Variants in PKD1L1 observed in about 807,000 individuals in gnomAD.
PKD1L1 encodes the protein polycystin-1-like protein 1.
Under a neutral mutation model 323.4 loss-of-function variants are expected in PKD1L1, and 236 were observed. The observed-to-expected ratio is 0.73, with a 90% CI of 0.66 to 0.81. PKD1L1 has a LOEUF of 0.81. PKD1L1 is among the 40% of genes least tolerant of loss of function. The probability of loss-of-function intolerance (pLI) is 0.00; values close to 1 mark genes in which losing one functional copy is unlikely to be tolerated. For synonymous variants in PKD1L1, 1,344 were observed against 1,335.0 expected (o/e 1.01, Z -0.15); for missense variants, 3,320 against 3,508.0 (o/e 0.95, Z 1.35).
intron 6 of PKD1L1, 60 bp from the exon 7 acceptor site, chr7:47,929,586 C>A: frequency 6.8e-7 from 1 of 1,473,832 alleles, no homozygotes; most frequent in South Asian, 1.3e-5. Context: ...GGTGGGAGGG[C>A]AGAAGCCAAG....
At chr7:47,877,315 T>C (rs1187360878) in intron 22 of PKD1L1, among the ~76,000 whole-genome samples, 174 bp downstream of exon 22, 1 of 152,198 alleles carries the variant, frequency 6.6e-6, no homozygotes, top group African/African-American at 2.4e-5. Flanking sequence ...CTCTCATTAG[T>C]GTGTGGGGAA....
chr7:47,899,959 A>AAAAAAAAAAAAAG (rs1787049325), intron 13 of PKD1L1, among the ~76,000 whole-genome samples: 1 of 151,846 alleles, frequency 6.6e-6, no homozygotes, highest in East Asian at 1.9e-4. Flanking sequence ...CCATCCCAAA[A>AAAAAAAAAAAAAG]AAAAAAAAAA....
At chr7:47,797,652 A>G (rs1784572886) in intron 54 of PKD1L1, among the ~76,000 whole-genome samples, 1 of 152,072 alleles carries the variant, frequency 6.6e-6, no homozygotes, top group Admixed American at 6.6e-5. Flanking sequence ...GACTCCAACC[A>G]TCCTTTTCAA....
intron 42 of PKD1L1, 84 bp from the exon 43 acceptor site, chr7:47,830,208 C>G: frequency 1.7e-6 from 2 of 1,202,450 alleles, no homozygotes; most frequent in Non-Finnish European, 2.4e-6. Flanking sequence ...CACAGGGACA[C>G]TGCCTGAGAG....
At position 47,856,437 on chromosome 7, in the gene PKD1L1, A is replaced by G. The variant is rs369549236; in HGVS notation, c.4590+1168T>C. 2.0e-5 allele frequency among the ~76,000 whole-genome samples: 3 copies of G among 152,256 alleles called. No individual in the cohort carries two copies. The East Asian group carries it at 5.8e-4, about 29-fold the overall frequency. ...TATGAACTCTATCCCTATGCTGAACATTTAGGTACATTTCTATTTGAGTTA... is the reference window on the plus strand; with the variant it reads ...TATGAACTCTATCCCTATGCTGAACGTTTAGGTACATTTCTATTTGAGTTA... On this transcript the variant is annotated intron_variant, in intron 28 of 56. Transcript: ENST00000289672.
intron 43 of PKD1L1, 66 bp from the exon 44 acceptor site, chr7:47,829,667 T>C: frequency 1.4e-6 from 2 of 1,458,462 alleles, no homozygotes; most frequent in East Asian, 4.6e-5. Flanking sequence ...CACAGAGCTG[T>C]CCTCCCGTCC....
Position 47,929,188 on chromosome 7 carries a change from A to C in PKD1L1, c.1060+16T>G. The C allele has an allele frequency of 3.7e-6, 6 of 1,608,062 alleles. No individual in the cohort carries two copies. Among genetic ancestry groups the C allele is most frequent in the Non-Finnish European group, 5.1e-6 (6 of 1,175,772 alleles). On this transcript the variant is annotated intron_variant, in intron 7 of 56. Transcript: ENST00000289672. ...CCTCCTTCCCAGGCTCCTGATAAGG[A>C]CACCATGCACCTTACCTTTTGAGTA...
intron 3 of PKD1L1, among the ~76,000 whole-genome samples, chr7:47,938,384 C>T (rs959099152): frequency 6.6e-6 from 1 of 152,156 alleles, no homozygotes; most frequent in African/African-American, 2.4e-5. Flanking sequence ...CCTCTGTGGC[C>T]TCCCAGAGCA....
At position 47,861,874 on chromosome 7, in the gene PKD1L1, C is replaced by T. The variant is rs565098016; in HGVS notation, c.4150-2989G>A. On this transcript the variant is annotated intron_variant, in intron 26 of 56. Coordinates refer to ENST00000289672, the MANE Select transcript of PKD1L1 (RefSeq NM_138295.5). ...CCAGCCTGGGCGACAGAGCAAGACT[C>T]TGTCTCAAAAAAAAAAAAAAAAAAA... 1.2e-4 allele frequency among the ~76,000 whole-genome samples: 10 copies of T among 81,314 alleles called. 1 individual carries two copies. In the South Asian group the frequency reaches 6.3e-3, roughly 51 times the overall value. 53.3% of individuals were successfully genotyped at this position (81,314 alleles called of 152,430 possible). A position where few individuals can be genotyped will look rare whatever the true frequency, so the allele number is the denominator to read the frequency against.
At chr7:47,880,266 A>ATT (rs1786514685) in intron 21 of PKD1L1, among the ~76,000 whole-genome samples, 1 of 64,936 alleles carries the variant, frequency 1.5e-5, no homozygotes, top group African/African-American at 9.1e-5. Flanking sequence ...ATATATATAC[A>ATT]TATATATATA....
rs1055275554 is a variant in PKD1L1, at chr7:47,932,073, G to C, written c.399-17C>G. ...TGGGGAATTCTGTATGGGAAGGAAA[G>C]TGCAGAAAGAAAAGGAAACCCGGTC... On this transcript the variant is annotated splice_polypyrimidine_tract_variant and intron_variant, in intron 4 of 56. Coordinates refer to ENST00000289672, the MANE Select transcript of PKD1L1 (RefSeq NM_138295.5). 1.3e-6 allele frequency: 2 copies of C among 1,589,772 alleles called. No homozygotes were observed.
intron 26 of PKD1L1, among the ~76,000 whole-genome samples, chr7:47,864,604 C>CT (rs1451611018): frequency 4.7e-5 from 5 of 105,600 alleles, no homozygotes; most frequent in African/African-American, 2.3e-4. Flanking sequence ...TTCTTTCTTT[C>CT]TTTCTTTCTT....
intron 33 of PKD1L1, 112 bp downstream of exon 33, chr7:47,844,883 T>A: frequency 1.4e-6 from 1 of 729,950 alleles, no homozygotes; most frequent in South Asian, 2.3e-5. Context: ...AAAAATGCAA[T>A]GATAGTAAGT....
At chr7:47,929,609 G>T in intron 6 of PKD1L1, 83 bp from the exon 7 acceptor site, 1 of 1,300,850 alleles carries the variant, frequency 7.7e-7, no homozygotes, top group Non-Finnish European at 1.1e-6. Context: ...GCCTGGCCTG[G>T]GTCCAGCCAG....
intron 56 of PKD1L1, among the ~76,000 whole-genome samples, chr7:47,779,482 G>A (rs1364997204): frequency 1.3e-5 from 2 of 152,202 alleles, no homozygotes; most frequent in East Asian, 3.8e-4. Context: ...CTCAGCTCCT[G>A]TATCTCTGTG....
rs1475754371 is a variant in PKD1L1, at chr7:47,929,445, A to G, written c.819T>C (p.Pro273=). 1 of 1,614,086 alleles carries G rather than the reference A, an allele frequency of 6.2e-7. No individual in the cohort carries two copies. Among genetic ancestry groups the G allele is most frequent in the Admixed American group, 1.7e-5 (1 of 60,026 alleles). ...GGATGGCCACAGGAGGATGCTGAGTAGGGGGATAGAGGATCTCAGAACCAG... is the reference window on the plus strand; with the variant it reads ...GGATGGCCACAGGAGGATGCTGAGTGGGGGGATAGAGGATCTCAGAACCAG... ...SQSGSEILYP[P]TQHPPVAILA... Residue 273 remains proline (P), a synonymous_variant, in exon 7 of 57, where the codon CCT becomes CCC. Coordinates refer to ENST00000289672, the MANE Select transcript of PKD1L1 (RefSeq NM_138295.5).
Position 47,829,445 on chromosome 7 carries a change from A to G in PKD1L1, c.6715T>C (p.Cys2239Arg). Reference protein sequence around the residue: ...PFSSSCSIPDCAGEVEKVLAA... With the variant: ...PFSSSCSIPDRAGEVEKVLAA... ...TTTACTTTTTCAACCTCGCCTGCAC[A>G]GTCAGGAATACTGCAGCTTGAAGAG... The change falls in exon 44 of 57, where the codon TGT becomes CGT. Residue 2239 changes from cysteine to arginine, a missense_variant. By Grantham distance (180) the Cys-to-Arg change is radical (BLOSUM62 -3). Transcript: ENST00000289672. The G allele has an allele frequency of 6.2e-7, 1 of 1,609,876 alleles. No homozygotes were observed. The highest frequency in any genetic ancestry group is 8.5e-7 in the Non-Finnish European group (1 of 1,178,990).
chr7:47,945,978 A>T (rs1326310643), intron 1 of PKD1L1, among the ~76,000 whole-genome samples: 1 of 152,194 alleles, frequency 6.6e-6, no homozygotes, highest in Non-Finnish European at 1.5e-5. Flanking sequence ...ATAGTGCTGC[A>T]AAGCTAATTT....
chr7:47,893,204 T>C (rs1254973236), intron 15 of PKD1L1, among the ~76,000 whole-genome samples: 4 of 128,830 alleles, frequency 3.1e-5, no homozygotes, highest in African/African-American at 1.2e-4. Context: ...CACTCCAGTC[T>C]GGGTGACAGA....
Sources: gnomAD v4.1 joint callset for allele counts (sites outside exome capture counted in the v4.1 genomes callset) on GRCh38, gnomAD v4.1.1 for gene constraint, MANE v1.5 for transcripts, NCBI Gene and HGNC (gene_info 2026-07-23, HGNC 2026-07-21) for gene names.